Variants in ZBED4 observed in about 807,000 individuals in gnomAD.
ZBED4 encodes zinc finger BED domain-containing protein 4.
A neutral mutation model predicts 15.5 loss-of-function variants in ZBED4; 4 were observed. The observed-to-expected ratio is 0.26, with a 90% CI of 0.13 to 0.59. The LOEUF (loss-of-function observed/expected upper bound fraction) is 0.59, where lower values mean the gene tolerates loss of function less well. Ranked by LOEUF, ZBED4 falls within the 20% of genes least tolerant of loss-of-function variation. ZBED4 has a pLI of 0.90. For synonymous variants in ZBED4, 692 were observed against 608.5 expected (o/e 1.14, Z -2.02); for missense variants, 1,323 against 1,461.8 (o/e 0.91, Z 1.55).
chr22:49,867,782 A>G (rs2060328949), intron 1 of ZBED4, among the ~76,000 whole-genome samples: 1 of 152,200 alleles, frequency 6.6e-6, no homozygotes, highest in South Asian at 2.1e-4. Flanking sequence ...ACACCCATCC[A>G]TCATCAATTA....
intron 1 of ZBED4, among the ~76,000 whole-genome samples, chr22:49,883,073 T>C (rs2147544486): frequency 6.6e-6 from 1 of 152,372 alleles, no homozygotes; most frequent in South Asian, 2.1e-4. Context: ...TATACCATTC[T>C]AGGTTTTAAT....
chr22:49,874,672 C>CTTTTGTTTTTTTTTTTTTTTT (rs2060367009), intron 1 of ZBED4, among the ~76,000 whole-genome samples: 1 of 37,314 alleles, frequency 2.7e-5, no homozygotes, highest in Non-Finnish European at 4.4e-5. Flanking sequence ...CATGCCCAGC[C>CTTTTGTTTTTTTTTTTTTTTT]TTTTTTTTTT....
intron 1 of ZBED4, among the ~76,000 whole-genome samples, chr22:49,870,781 A>G (rs1237521871): frequency 6.6e-6 from 1 of 151,740 alleles, no homozygotes. Flanking sequence ...TATTCTGTCG[A>G]TGGTCTCCTT....
chr22:49,874,609 G>A (rs965666285), intron 1 of ZBED4, among the ~76,000 whole-genome samples: 9 of 146,670 alleles, frequency 6.1e-5, no homozygotes, highest in South Asian at 2.2e-4. Context: ...TCCTGACCTC[G>A]TGATCCAGCT....
chr22:49,876,322 G>A (rs2060376182), intron 1 of ZBED4, among the ~76,000 whole-genome samples: 1 of 152,056 alleles, frequency 6.6e-6, no homozygotes. Context: ...AATCTTCCGT[G>A]TCTTTACTGA....
rs770523019 is a variant in ZBED4, at chr22:49,885,170, G to A, written c.1508G>A (p.Arg503Gln). ...GTSCLMRHLY[R>Q]RHPEVVGSQK... ...AGCTGCCTGATGAGACATCTCTACC[G>A]GCGCCATCCAGAAGTTGTCGGGAGC... The change falls in exon 2 of 2, where the codon CGG becomes CAG. Residue 503 changes from arginine to glutamine, a missense_variant. By Grantham distance (43) the Arg-to-Gln change is conservative (BLOSUM62 1). Transcript: ENST00000216268. 20 of 1,613,360 alleles carry A rather than the reference G, an allele frequency of 1.2e-5. No homozygotes were observed. Among genetic ancestry groups the A allele is most frequent in the Middle Eastern group, 1.6e-4 (1 of 6,076 alleles).
At position 49,857,926 on chromosome 22, in the gene ZBED4, A is replaced by AT. The variant is rs1312642207; in HGVS notation, c.-330+3946dup. Among the ~76,000 whole-genome samples, 4 of 146,828 alleles carry AT rather than the reference A, an allele frequency of 2.7e-5. No homozygotes were observed. In the South Asian group the frequency reaches 6.5e-4, roughly 24 times the overall value. On this transcript the variant is annotated intron_variant, in intron 1 of 1. Transcript: ENST00000216268. ...AGGCGTGCGCCACCGTGCCCGGTTA[A>AT]TTTTTTTTTGCATTTTTAGTAGAGA...
In ZBED4 at chr22:49,886,901, T is replaced by C. The variant is rs766969107; in HGVS notation, c.3239T>C (p.Leu1080Pro). ...KVKKKDPREK[L>P]PEAMVLAYLE... ...AAGAAGAAAGACCCAAGAGAAAAGC[T>C]GCCTGAAGCCATGGTGCTTGCGTAT... The change falls in exon 2 of 2, where the codon CTG (leucine) becomes CCG (proline). Residue 1080 changes from leucine to proline, a missense_variant. By Grantham distance (98) the Leu-to-Pro change is moderately conservative. This residue lies in a region of ZBED4 where 312 missense variants were observed against 410.7 expected (regional missense o/e 0.76). Coordinates refer to ENST00000216268, the MANE Select transcript of ZBED4 (RefSeq NM_014838.3). This position sits in a 1 kb window ranked among gnomAD's most constrained non-coding sequence, Gnocchi z 7.7. The C allele has an allele frequency of 6.2e-7, 1 of 1,614,056 alleles. No individual in the cohort carries two copies. The highest frequency in any genetic ancestry group is 8.5e-7 in the Non-Finnish European group (1 of 1,180,042).
intron 1 of ZBED4, among the ~76,000 whole-genome samples, chr22:49,870,287 A>G (rs2060340485): frequency 6.6e-6 from 1 of 152,202 alleles, no homozygotes; most frequent in African/African-American, 2.4e-5. Flanking sequence ...TGATGAACAT[A>G]CATGTGTACA....
In ZBED4 at chr22:49,884,151, C is replaced by T. The variant is rs148606148; in HGVS notation, c.489C>T (p.Arg163=). 29 of 1,613,584 alleles carry T rather than the reference C, an allele frequency of 1.8e-5. No individual in the cohort carries two copies. The highest frequency in any genetic ancestry group is 5.3e-5 in the African/African-American group (4 of 74,892). The change falls in exon 2 of 2, where the codon CGC becomes CGT. Residue 163 remains arginine (R), a synonymous_variant. Transcript: ENST00000216268. ...STSCLMRHVR[R]AHPTVLIQEN... is the part of the protein sequence containing the mutation. ...GTTGTCTCATGAGGCACGTGAGGCG[C>T]GCACACCCGACCGTGCTCATTCAGG...
rs751478520 is a variant in ZBED4, at chr22:49,886,116, C to G, written c.2454C>G (p.Asn818Lys). The G allele has an allele frequency of 1.5e-6, 1 of 681,446 alleles. No individual in the cohort carries two copies. The highest frequency in any genetic ancestry group is 2.5e-5 in the East Asian group (1 of 40,262). 42.2% of individuals were successfully genotyped at this position (681,446 alleles called of 1,614,324 possible). ...ACGCCAGCATCGGGAAGACGCTGAA[C>G]GAGGGGGAGCACTCGAGCGTGCAGT... ...TDNASIGKTL[N>K]EGEHSSVQCF... Residue 818 changes from asparagine to lysine, a missense_variant, in exon 2 of 2, where the codon AAC becomes AAG. Asn to Lys is a moderately conservative substitution (Grantham distance 94, BLOSUM62 0). This residue lies in a region of ZBED4 where 100 missense variants were observed against 79.3 expected (regional missense o/e 1.26). Coordinates refer to ENST00000216268, the MANE Select transcript of ZBED4 (RefSeq NM_014838.3). The surrounding 1 kb of genome is among the most constrained non-coding windows in gnomAD (Gnocchi z 7.7).
At chr22:49,876,782 C>T (rs902800471) in intron 1 of ZBED4, among the ~76,000 whole-genome samples, 1 of 152,062 alleles carries the variant, frequency 6.6e-6, no homozygotes, top group Admixed American at 6.5e-5. Context: ...CAAAAGACCT[C>T]GTTCTATTTA....
upstream of ZBED4, among the ~76,000 whole-genome samples, chr22:49,853,577 C>T (rs1279880200): frequency 1.3e-5 from 2 of 152,132 alleles, no homozygotes; most frequent in Non-Finnish European, 2.9e-5. Context: ...TAAGCCCTTC[C>T]CGTCGCCCGC....
At position 49,863,235 on chromosome 22, in the gene ZBED4, G is replaced by A. The variant is rs537441188; in HGVS notation, c.-330+9246G>A. On this transcript the variant is annotated intron_variant, in intron 1 of 1. Transcript: ENST00000216268. Reference sequence around the variant, plus strand: ...GGGTCTTGCTTTGTGGCCCAGGATGGAGTGCAGTGGTGCTCCCGGGCTCAA... The same window carrying A: ...GGGTCTTGCTTTGTGGCCCAGGATGAAGTGCAGTGGTGCTCCCGGGCTCAA... 7.8e-4 allele frequency among the ~76,000 whole-genome samples: 119 copies of A among 152,220 alleles called. 1 individual carries two copies. Among genetic ancestry groups the A allele is most frequent in the African/African-American group, 2.7e-3 (113 of 41,540 alleles).
At chr22:49,873,858 A>AG (rs34886898) in intron 1 of ZBED4, among the ~76,000 whole-genome samples, 97,406 of 151,680 alleles carry the variant, frequency 0.64, 35,454 homozygotes, top group East Asian at 0.85. Context: ...TGTAGGTTGG[A>AG]GCGAGGAGCG....
At chr22:49,875,394 C>T (rs180897453) in intron 1 of ZBED4, among the ~76,000 whole-genome samples, 1 of 149,228 alleles carries the variant, frequency 6.7e-6, no homozygotes, top group East Asian at 1.9e-4. Context: ...TTGTCCATTT[C>T]ATCTGAGTTG....
rs746670467 is a variant in ZBED4, at chr22:49,886,753, A to G, written c.3091A>G (p.Arg1031Gly). ...EAEQYKQDLIRELELMNSTSE... is the reference protein window; with the variant it reads ...EAEQYKQDLIGELELMNSTSE... ...GGAGCAGTACAAACAGGATTTAATCAGGGAACTCGAACTCATGAATTCTAC... is the reference window on the plus strand; with the variant it reads ...GGAGCAGTACAAACAGGATTTAATCGGGGAACTCGAACTCATGAATTCTAC... The change falls in exon 2 of 2, where the codon AGG (arginine) becomes GGG (glycine). Residue 1031 changes from arginine to glycine, a missense_variant. Arg to Gly is a moderately radical substitution (Grantham distance 125, BLOSUM62 -2). Around this residue, in one of 6 missense-constraint regions of ZBED4, gnomAD observed 312 missense variants for 410.7 expected, o/e 0.76. Transcript: ENST00000216268. The surrounding 1 kb of genome is among the most constrained non-coding windows in gnomAD (Gnocchi z 7.7). 1 of 1,612,558 alleles carries G rather than the reference A, an allele frequency of 6.2e-7. No individual in the cohort carries two copies. The highest frequency in any genetic ancestry group is 1.7e-5 in the Admixed American group (1 of 59,868).
upstream of ZBED4, chr22:49,853,169 A>G (rs1428458619): frequency 6.6e-6 from 1 of 152,280 alleles, no homozygotes; most frequent in African/African-American, 2.4e-5. Flanking sequence ...GTGTTAGGAA[A>G]TAACACATTA....
At chr22:49,864,142 C>T (rs2060309621) in intron 1 of ZBED4, among the ~76,000 whole-genome samples, 1 of 152,150 alleles carries the variant, frequency 6.6e-6, no homozygotes, top group Non-Finnish European at 1.5e-5. Context: ...GGTTCTAGGC[C>T]TCTGCTGGAG....
Sources: allele counts gnomAD v4.1 joint callset (sites outside exome capture counted in the v4.1 genomes callset), GRCh38; gene constraint gnomAD v4.1.1; regional missense constraint gnomAD v4.1.1; non-coding constraint Gnocchi (gnomAD v3.1); transcripts MANE v1.5; gene names NCBI Gene and HGNC (gene_info 2026-07-23, HGNC 2026-07-21).